DIP2C: variants seen among roughly 807,000 people sequenced by gnomAD.
DIP2C encodes the protein DIP2 acetate--CoA ligase C (putative), also known as disco-interacting protein 2 homolog C.
Under a neutral mutation model 192.4 loss-of-function variants are expected in DIP2C, and 33 were observed. That is an observed-to-expected ratio of 0.17 (90% CI 0.13 to 0.23). The LOEUF is 0.23. Among genes scored for constraint, DIP2C ranks in the 10% least tolerant of loss-of-function variants. The pLI is 1.00. For missense variants in DIP2C, 1,537 were observed against 2,110.1 expected, an observed-to-expected ratio of 0.73 and a Z score of 5.32; for synonymous variants, 979 against 864.1, an observed-to-expected ratio of 1.13 and a Z score of -2.33.
At chr10:544,141 C>T (rs557905012) in intron 1 of DIP2C, among the ~76,000 whole-genome samples, 8 of 150,724 alleles carry the variant, frequency 5.3e-5, no homozygotes, top group East Asian at 3.9e-4. Flanking sequence ...TCGCACAGTG[C>T]GTGACCTTTG....
At chr10:504,477 C>T (rs1471080979) in intron 1 of DIP2C, among the ~76,000 whole-genome samples, 4 of 152,206 alleles carry the variant, frequency 2.6e-5, no homozygotes, top group Non-Finnish European at 5.9e-5. Flanking sequence ...CTAGCACAGC[C>T]ACCTTAGGCC....
chr10:304,185 G>A (rs1434277763), intron 32 of DIP2C, among the ~76,000 whole-genome samples: 10 of 152,248 alleles, frequency 6.6e-5, no homozygotes. Context: ...GATCCTACAT[G>A]CTATACGTTT....
intron 1 of DIP2C, among the ~76,000 whole-genome samples, chr10:580,274 GTGTA>G (rs756942531): frequency 2.0e-5 from 3 of 152,052 alleles, no homozygotes; most frequent in Non-Finnish European, 4.4e-5. Flanking sequence ...GCAGTACATA[GTGTA>G]TGTACATATG....
chr10:315,761 GC>G (rs1192096175), intron 31 of DIP2C, among the ~76,000 whole-genome samples: 1 of 152,012 alleles, frequency 6.6e-6, no homozygotes, highest in African/African-American at 2.4e-5. Context: ...TTGTTCTCTT[GC>G]CCCATTTTCT....
intron 3 of DIP2C, among the ~76,000 whole-genome samples, chr10:469,619 G>A (rs1430443520): frequency 1.3e-5 from 2 of 152,118 alleles, no homozygotes; most frequent in Admixed American, 1.3e-4. Flanking sequence ...ACCCAGCCCT[G>A]ACAGATATCT....
At chr10:516,097 A>C (rs935886867) in intron 1 of DIP2C, among the ~76,000 whole-genome samples, 1 of 150,556 alleles carries the variant, frequency 6.6e-6, no homozygotes, top group Admixed American at 6.6e-5. Context: ...GGGTTTCCTG[A>C]AGCCACTGGC....
intron 1 of DIP2C, among the ~76,000 whole-genome samples, chr10:602,591 G>A (rs1250517569): frequency 1.4e-4 from 21 of 152,168 alleles, no homozygotes; most frequent in African/African-American, 5.1e-4. Context: ...ACAGGTCCTG[G>A]GGCACCAGAT....
chr10:342,610 G>A (rs1254951375), intron 28 of DIP2C, among the ~76,000 whole-genome samples: 1 of 152,218 alleles, frequency 6.6e-6, no homozygotes, highest in Non-Finnish European at 1.5e-5. Flanking sequence ...GACCTGCTGG[G>A]TGGCTCAGCT....
intron 24 of DIP2C, among the ~76,000 whole-genome samples, chr10:355,316 G>A (rs1959030158): frequency 6.6e-6 from 1 of 152,244 alleles, no homozygotes; most frequent in African/African-American, 2.4e-5. Flanking sequence ...AGAGGAGGAG[G>A]AGAGGTTGTT....
intron 4 of DIP2C, among the ~76,000 whole-genome samples, chr10:434,915 G>A (rs1048306939): frequency 4.6e-5 from 7 of 152,024 alleles, no homozygotes; most frequent in Non-Finnish European, 8.8e-5. Flanking sequence ...TCTTTGATTC[G>A]CCGTAGTTTG....
chr10:408,478 T>C (rs1455835576), intron 9 of DIP2C, among the ~76,000 whole-genome samples: 3 of 152,234 alleles, frequency 2.0e-5, no homozygotes, highest in Admixed American at 1.3e-4. Context: ...CTGTTGAACA[T>C]GCCCACAGCA....
chr10:375,968 C>T lies in DIP2C; in HGVS notation c.1992-6335G>A, dbSNP rs117720908. 2.6e-5 allele frequency among the ~76,000 whole-genome samples: 4 copies of T among 152,352 alleles called. No homozygotes were observed. In the East Asian group the frequency reaches 5.8e-4, roughly 22 times the overall value. ...GAAGAAAGAGTTAAGCTGCAGGCCC[C>T]TCCTCCCCAGCAATCTTTACACAGC... On this transcript the variant is annotated intron_variant, in intron 17 of 36. Transcript: ENST00000280886.
intron 29 of DIP2C, among the ~76,000 whole-genome samples, chr10:336,046 C>T (rs150200371): frequency 6.6e-6 from 1 of 152,152 alleles, no homozygotes; most frequent in Non-Finnish European, 1.5e-5. Flanking sequence ...CACAGGCGCA[C>T]ACCACTACAC....
chr10:413,219 A>G (rs1379764077), intron 8 of DIP2C, among the ~76,000 whole-genome samples: 1 of 152,204 alleles, frequency 6.6e-6, no homozygotes, highest in East Asian at 1.9e-4. Flanking sequence ...TATCCACAGA[A>G]AAAAGAGAAA....
chr10:514,823 A>AG (rs1396343939), intron 1 of DIP2C, among the ~76,000 whole-genome samples: 2 of 152,166 alleles, frequency 1.3e-5, no homozygotes, highest in African/African-American at 4.8e-5. Context: ...TCTCAATATC[A>AG]GAATGTCGGA....
At chr10:571,324 C>A in intron 1 of DIP2C, among the ~76,000 whole-genome samples, 1 of 152,194 alleles carries the variant, frequency 6.6e-6, no homozygotes, top group East Asian at 1.9e-4. Flanking sequence ...TCCCCCCGGC[C>A]ATCACACTTC....
chr10:295,865 T>G (rs1355666589), intron 32 of DIP2C, among the ~76,000 whole-genome samples: 2 of 152,072 alleles, frequency 1.3e-5, no homozygotes, highest in Non-Finnish European at 1.5e-5. Flanking sequence ...AAAAATTAGC[T>G]AGACGTGATG....
chr10:452,704 C>T (rs139240249), intron 3 of DIP2C, among the ~76,000 whole-genome samples: 7 of 152,342 alleles, frequency 4.6e-5, no homozygotes, highest in Non-Finnish European at 7.3e-5. Context: ...TCAGCACAGC[C>T]GGGTGGCTCT....
chr10:371,108 C>G (rs772037305), intron 17 of DIP2C, among the ~76,000 whole-genome samples: 6 of 152,120 alleles, frequency 3.9e-5, no homozygotes, highest in Non-Finnish European at 8.8e-5. Context: ...ATCAAAACTT[C>G]AAAATGAAAA....
Sources: allele counts gnomAD v4.1 joint callset (sites outside exome capture counted in the v4.1 genomes callset), GRCh38; gene constraint gnomAD v4.1.1; transcripts MANE v1.5; gene names NCBI Gene and HGNC (gene_info 2026-07-23, HGNC 2026-07-21).